The following FAT3 variants were observed in gnomAD, a reference collection of about 807,000 sequenced individuals.
The protein encoded by FAT3 is protocadherin Fat 3.
A neutral mutation model predicts 310.2 loss-of-function variants in FAT3; 95 were observed. The observed-to-expected ratio is 0.31, with a 90% CI of 0.26 to 0.36. FAT3 has a LOEUF of 0.36. FAT3 is among the 10% of genes least tolerant of loss of function. The pLI, the probability that FAT3 is intolerant of heterozygous loss-of-function variation, is 1.00. For synonymous variants in FAT3, 2,314 were observed against 2,192.9 expected (o/e 1.06, Z -1.54); for missense variants, 5,408 against 5,715.6 (o/e 0.95, Z 1.74).
At chr11:92,529,779 T>C (rs1954005123) in intron 3 of FAT3, among the ~76,000 whole-genome samples, 1 of 152,206 alleles carries the variant, frequency 6.6e-6, no homozygotes, top group Non-Finnish European at 1.5e-5. Context: ...AATTTCTAAG[T>C]TTATTTCTGC....
intron 2 of FAT3, among the ~76,000 whole-genome samples, chr11:92,474,786 G>A (rs1443011347): frequency 1.3e-5 from 2 of 152,158 alleles, no homozygotes; most frequent in Admixed American, 1.3e-4. Flanking sequence ...AGGGGTATAG[G>A]CTGATGTCAC....
chr11:92,890,693 G>T lies in FAT3; in HGVS notation c.13350G>T (p.Gln4450His), dbSNP rs1039684847. The T allele has an allele frequency of 6.2e-7, 1 of 1,613,606 alleles. No individual in the cohort carries two copies. Among genetic ancestry groups the T allele is most frequent in the Non-Finnish European group, 8.5e-7 (1 of 1,179,768 alleles). Residue 4450 changes from glutamine (Q) to histidine (H), a missense_variant, in exon 28 of 28, where the codon CAG becomes CAT. Transcript: ENST00000525166. ...PHEEEFLSQD[Q>H]LPPPLPEDFP... ...AAGAGGAGTTCTTGAGTCAGGACCA[G>T]CTGCCTCCTCCTCTCCCGGAGGACT...
chr11:92,647,583 T>C (rs548147950), intron 3 of FAT3, among the ~76,000 whole-genome samples: 1 of 152,292 alleles, frequency 6.6e-6, no homozygotes, highest in Non-Finnish European at 1.5e-5. Context: ...TGATAATTCT[T>C]ATAACATTTT....
chr11:92,665,241 A>G (rs1942913552), intron 3 of FAT3, among the ~76,000 whole-genome samples: 2 of 152,232 alleles, frequency 1.3e-5, no homozygotes, highest in South Asian at 2.1e-4. Flanking sequence ...GCCCCGAGTT[A>G]TCTGACCTCA....
In FAT3 at chr11:92,843,885, A is replaced by G. The variant is rs142191386; in HGVS notation, c.10567-49A>G. On this transcript the variant is annotated intron_variant, in intron 18 of 27. Transcript: ENST00000525166. ...ATCTGCGGGTTTTTAAAAACTTACT[A>G]TGATTAGTTTTCTTCCTTTGTTGCC... The G allele has an allele frequency of 1.6e-3, 2,392 of 1,512,984 alleles. 33 individuals carry two copies. In the African/African-American group the frequency reaches 0.029, roughly 19 times the overall value. The allele number at this position is 1,512,984 out of a possible 1,614,324, so 93.7% of individuals were successfully genotyped here.
Position 92,355,352 on chromosome 11 carries a change from C to T in FAT3, c.3240C>T (p.Tyr1080=), listed in dbSNP as rs1188709407. Residue 1080 remains tyrosine (Y), a synonymous_variant, in exon 2 of 28, where the codon TAC becomes TAT. Coordinates refer to ENST00000525166, the MANE Select transcript of FAT3 (RefSeq NM_001367949.2). ...EDSGRDGEIQ[Y]SIRDGSGLGR... ...CCGGAAGGGATGGAGAGATCCAGTA[C>T]TCCATCAGGGATGGCAGTGGTCTTG... The T allele has an allele frequency of 1.7e-5, 28 of 1,613,766 alleles. No individual in the cohort carries two copies. The highest frequency in any genetic ancestry group is 2.4e-5 in the Non-Finnish European group (28 of 1,179,812).
chr11:92,446,345 G>A (rs1028156878), intron 2 of FAT3, among the ~76,000 whole-genome samples: 2 of 152,192 alleles, frequency 1.3e-5, no homozygotes, highest in African/African-American at 4.8e-5. Context: ...GGGCAACTCA[G>A]TGATCCTGGA....
chr11:92,281,587 A>G (rs1205870612), intron 1 of FAT3, among the ~76,000 whole-genome samples: 9 of 152,118 alleles, frequency 5.9e-5, no homozygotes, highest in Admixed American at 5.9e-4. Flanking sequence ...GTCCTAAACT[A>G]TGATATTCTT....
At chr11:92,763,922 C>G (rs1449842536) in intron 5 of FAT3, among the ~76,000 whole-genome samples, 1 of 152,198 alleles carries the variant, frequency 6.6e-6, no homozygotes, top group Non-Finnish European at 1.5e-5. Context: ...TCCATGAACA[C>G]ATAGCATGAG....
chr11:92,282,275 T>A (rs1384012421), intron 1 of FAT3, among the ~76,000 whole-genome samples: 1 of 152,198 alleles, frequency 6.6e-6, no homozygotes. Flanking sequence ...TATCAGGACT[T>A]ATTGTCACCT....
chr11:92,823,435 G>A (rs1948022367), intron 13 of FAT3, among the ~76,000 whole-genome samples: 2 of 152,118 alleles, frequency 1.3e-5, no homozygotes, highest in Admixed American at 1.3e-4. Flanking sequence ...CCAGCAATGG[G>A]GCCAGTTTTA....
intron 2 of FAT3, among the ~76,000 whole-genome samples, chr11:92,511,460 CA>C (rs765685942): frequency 3.3e-5 from 5 of 151,974 alleles, no homozygotes; most frequent in Non-Finnish European, 5.9e-5. Context: ...CTAAATTTAC[CA>C]AATGTTATGA....
rs901634716 is a variant in FAT3 at position 92,379,483 on chromosome 11, G to A, written c.3292+24079G>A. 3.3e-5 allele frequency among the ~76,000 whole-genome samples: 5 copies of A among 152,158 alleles called. No homozygotes were observed. The East Asian group carries it at 7.7e-4, about 24-fold the overall frequency. On this transcript the variant is annotated intron_variant, in intron 2 of 27. Coordinates refer to ENST00000525166, the MANE Select transcript of FAT3 (RefSeq NM_001367949.2). ...GCATCTTTTCTATCTATACCAGGCA[G>A]TTCTAAGGTAAGCCAGACCAAAGCA... is the stretch of plus-strand genomic sequence containing the variant.
chr11:92,285,120 T>C (rs1946527119), intron 1 of FAT3, among the ~76,000 whole-genome samples: 1 of 152,006 alleles, frequency 6.6e-6, no homozygotes, highest in South Asian at 2.1e-4. Flanking sequence ...AGAATATGAA[T>C]TAGGGAGTGT....
intron 1 of FAT3, among the ~76,000 whole-genome samples, chr11:92,259,394 CACTT>C (rs1403660453): frequency 1.3e-5 from 2 of 151,948 alleles, no homozygotes; most frequent in African/African-American, 4.8e-5. Flanking sequence ...TCTTCTTTGA[CACTT>C]AAGATGGCAA....
At chr11:92,235,978 G>T (rs1864401441) in intron 1 of FAT3, among the ~76,000 whole-genome samples, 2 of 152,206 alleles carry the variant, frequency 1.3e-5, no homozygotes, top group Non-Finnish European at 2.9e-5. Context: ...AAATAGACTG[G>T]GAGGTAGGAG....
chr11:92,462,360 C>T (rs73550907), intron 2 of FAT3, among the ~76,000 whole-genome samples: 2,057 of 152,214 alleles, frequency 0.014, 43 homozygotes, highest in African/African-American at 0.048. Context: ...ATCTATCGTT[C>T]CCTTCTCTGT....
chr11:92,890,099 G>A (rs777751599), intron 27 of FAT3, among the ~76,000 whole-genome samples: 23 of 152,148 alleles, frequency 1.5e-4, no homozygotes, highest in Admixed American at 1.0e-3. Context: ...TTGCCTGCAC[G>A]CCTTCCTGCC....
chr11:92,842,473 G>A (rs1948577436), intron 18 of FAT3, among the ~76,000 whole-genome samples: 1 of 152,174 alleles, frequency 6.6e-6, no homozygotes, highest in Admixed American at 6.5e-5. Context: ...TTGACTTCAA[G>A]TTCAGTCTCA....
Sources: allele counts gnomAD v4.1 joint callset (sites outside exome capture counted in the v4.1 genomes callset), GRCh38; gene constraint gnomAD v4.1.1; transcripts MANE v1.5; gene names NCBI Gene and HGNC (gene_info 2026-07-23, HGNC 2026-07-21).